INPP4B: variants seen among roughly 807,000 people sequenced by gnomAD.
INPP4B encodes the protein inositol polyphosphate-4-phosphatase type II B.
Under a neutral mutation model 122.5 loss-of-function variants are expected in INPP4B, and 55 were observed. The observed-to-expected ratio is 0.45, with a 90% CI of 0.36 to 0.56. The LOEUF (loss-of-function observed/expected upper bound fraction) is 0.56, where lower values mean the gene tolerates loss of function less well. Among genes scored for constraint, INPP4B ranks in the 20% least tolerant of loss-of-function variants. INPP4B has a pLI of 0.00. For synonymous variants in INPP4B, 403 were observed against 388.7 expected, an observed-to-expected ratio of 1.04 and a Z score of -0.43; for missense variants, 1,000 against 1,097.7, an observed-to-expected ratio of 0.91 and a Z score of 1.26.
chr4:142,416,119 G>A (rs1305147467), intron 5 of INPP4B, among the ~76,000 whole-genome samples: 3 of 152,008 alleles, frequency 2.0e-5, no homozygotes, highest in Admixed American at 6.5e-5. Flanking sequence ...TAACCTGCAC[G>A]TTGTGCACAT....
intron 2 of INPP4B, among the ~76,000 whole-genome samples, chr4:142,690,370 G>T (rs1290040208): frequency 6.6e-6 from 1 of 152,176 alleles, no homozygotes; most frequent in African/African-American, 2.4e-5. Flanking sequence ...GATGCAGTGA[G>T]AAAAAGACAT....
chr4:142,096,714 T>C (rs1781971933), intron 23 of INPP4B, among the ~76,000 whole-genome samples: 1 of 152,080 alleles, frequency 6.6e-6, no homozygotes, highest in Non-Finnish European at 1.5e-5. Context: ...CTGCAATGAG[T>C]TTAAAATAAA....
chr4:142,359,934 T>TA (rs1385533111), intron 7 of INPP4B, among the ~76,000 whole-genome samples: 10 of 151,900 alleles, frequency 6.6e-5, no homozygotes, highest in Non-Finnish European at 1.5e-4. Flanking sequence ...TGTGCCCATT[T>TA]AAAAAAATGG....
At chr4:142,772,424 C>G (rs1196187539) in intron 1 of INPP4B, among the ~76,000 whole-genome samples, 1 of 152,060 alleles carries the variant, frequency 6.6e-6, no homozygotes, top group Non-Finnish European at 1.5e-5. Context: ...GTGATTAATT[C>G]CAACTGAACA....
intron 2 of INPP4B, among the ~76,000 whole-genome samples, chr4:142,541,955 C>G (rs1828996681): frequency 6.6e-6 from 1 of 152,184 alleles, no homozygotes; most frequent in African/African-American, 2.4e-5. Context: ...GCAAAACTCT[C>G]AAGAGATTTT....
intron 2 of INPP4B, among the ~76,000 whole-genome samples, chr4:142,480,524 A>G (rs1261718067): frequency 1.3e-5 from 2 of 152,150 alleles, no homozygotes; most frequent in African/African-American, 2.4e-5. Flanking sequence ...GTAGTCTGAG[A>G]AGTCAATTAT....
At position 142,028,614 on chromosome 4, in the gene INPP4B, G is replaced by C; in HGVS notation, c.*168C>G. 2 of 625,538 alleles carry C rather than the reference G, an allele frequency of 3.2e-6. No homozygotes were observed. Among genetic ancestry groups the C allele is most frequent in the Non-Finnish European group, 5.4e-6 (2 of 370,818 alleles). 38.7% of individuals were successfully genotyped at this position (625,538 alleles called of 1,614,324 possible). A position where few individuals can be genotyped will look rare whatever the true frequency, so the allele number is the denominator to read the frequency against. The stretch of plus-strand genomic sequence containing the variant: ...GATTTTTTAAAATGGATTTCTTTCA[G>C]AGCAATATGCTGATGATGAATTGAA... On this transcript the variant is annotated 3_prime_UTR_variant, in exon 26 of 26. Transcript: ENST00000262992.
At chr4:142,439,301 C>T (rs1340965497) in intron 3 of INPP4B, among the ~76,000 whole-genome samples, 1 of 152,186 alleles carries the variant, frequency 6.6e-6, no homozygotes, top group East Asian at 1.9e-4. Flanking sequence ...AATTCTCCCC[C>T]TTCCGTCTCT....
intron 2 of INPP4B, among the ~76,000 whole-genome samples, chr4:142,692,123 C>A (rs758784009): frequency 1.3e-5 from 2 of 151,974 alleles, no homozygotes; most frequent in African/African-American, 2.4e-5. Flanking sequence ...CATGAAGGAG[C>A]CAAGGGGACC....
chr4:142,467,289 C>T (rs1432108254), intron 2 of INPP4B, among the ~76,000 whole-genome samples: 1 of 152,234 alleles, frequency 6.6e-6, no homozygotes, highest in Admixed American at 6.5e-5. Context: ...TGGACTGCGC[C>T]CACAGAAGCC....
chr4:142,701,822 C>A (rs1188773349), intron 2 of INPP4B, among the ~76,000 whole-genome samples: 1 of 152,094 alleles, frequency 6.6e-6, no homozygotes, highest in African/African-American at 2.4e-5. Flanking sequence ...GGTAGGTTGA[C>A]TACACAGGTG....
chr4:142,623,548 G>A (rs927452107), intron 2 of INPP4B, among the ~76,000 whole-genome samples: 2 of 151,704 alleles, frequency 1.3e-5, no homozygotes, highest in Non-Finnish European at 2.9e-5. Context: ...ATACAGGCCT[G>A]TATAATTCAC....
chr4:142,350,588 C>T (rs2151802693), intron 7 of INPP4B, among the ~76,000 whole-genome samples: 1 of 152,038 alleles, frequency 6.6e-6, no homozygotes, highest in South Asian at 2.1e-4. Context: ...AACCATTGAG[C>T]CTCAACCAAA....
At chr4:142,744,770 A>C (rs1417653327) in intron 1 of INPP4B, among the ~76,000 whole-genome samples, 3 of 151,888 alleles carry the variant, frequency 2.0e-5, no homozygotes, top group Non-Finnish European at 1.5e-5. Flanking sequence ...AATGTTAAAT[A>C]AAAAAGGGAA....
intron 18 of INPP4B, among the ~76,000 whole-genome samples, chr4:142,132,030 C>T (rs1801555537): frequency 6.6e-6 from 1 of 151,568 alleles, no homozygotes. Context: ...TTTCCTCTAT[C>T]TCGGTTTCTC....
chr4:142,776,761 C>T (rs1245137963), intron 1 of INPP4B, among the ~76,000 whole-genome samples: 3 of 152,036 alleles, frequency 2.0e-5, no homozygotes, highest in Non-Finnish European at 2.9e-5. Flanking sequence ...AAAAGGGACA[C>T]CACAAATTGT....
At chr4:142,585,556 C>T (rs548954623) in intron 2 of INPP4B, among the ~76,000 whole-genome samples, 2 of 152,200 alleles carry the variant, frequency 1.3e-5, no homozygotes, top group Non-Finnish European at 2.9e-5. Context: ...GCTATGCAAG[C>T]CCACAGGACA....
intron 1 of INPP4B, among the ~76,000 whole-genome samples, chr4:142,731,954 G>A (rs919020166): frequency 6.6e-6 from 1 of 152,130 alleles, no homozygotes; most frequent in Non-Finnish European, 1.5e-5. Context: ...GGGGAGTGCA[G>A]GTGGACTTGG....
intron 2 of INPP4B, among the ~76,000 whole-genome samples, chr4:142,596,770 T>C (rs768957708): frequency 2.0e-5 from 3 of 152,218 alleles, no homozygotes; most frequent in Non-Finnish European, 4.4e-5. Flanking sequence ...ATGGCCTCTC[T>C]GCTATCAGCT....
Sources: gnomAD v4.1 joint callset for allele counts (sites outside exome capture counted in the v4.1 genomes callset) on GRCh38, gnomAD v4.1.1 for gene constraint, MANE v1.5 for transcripts, NCBI Gene and HGNC (gene_info 2026-07-23, HGNC 2026-07-21) for gene names.